KCNIP4: variants seen among roughly 807,000 people sequenced by gnomAD.
KCNIP4 encodes Kv channel-interacting protein 4.
In KCNIP4, 12 loss-of-function variants were observed where a neutral mutation model predicts 34.0. The ratio of observed to expected loss-of-function variants is 0.35; its 90% confidence interval spans 0.23 to 0.57. KCNIP4 has a LOEUF of 0.57. KCNIP4 is among the 20% of genes least tolerant of loss of function. The pLI is 0.83. For missense variants in KCNIP4, 238 were observed against 311.7 expected (o/e 0.76, Z 1.78); for synonymous variants, 124 against 102.2 (o/e 1.21, Z -1.29).
chr4:21,655,275 G>A (rs540444183), intron 1 of KCNIP4, among the ~76,000 whole-genome samples: 6 of 152,114 alleles, frequency 3.9e-5, no homozygotes, highest in African/African-American at 1.4e-4. Flanking sequence ...TGAGGAGATG[G>A]CTACTTAATA....
At chr4:21,891,147 A>C (rs1727068794) in intron 1 of KCNIP4, among the ~76,000 whole-genome samples, 1 of 152,074 alleles carries the variant, frequency 6.6e-6, no homozygotes, top group African/African-American at 2.4e-5. Flanking sequence ...CATTTCTTAG[A>C]TGTTCCTCAT....
chr4:21,506,032 G>A (rs1246282428), intron 1 of KCNIP4, among the ~76,000 whole-genome samples: 1 of 152,188 alleles, frequency 6.6e-6, no homozygotes, highest in Non-Finnish European at 1.5e-5. Flanking sequence ...GAACCTGGGA[G>A]GCAGAGGTTG....
chr4:20,985,224 C>T (rs1392687779), intron 1 of KCNIP4, among the ~76,000 whole-genome samples: 1 of 152,146 alleles, frequency 6.6e-6, no homozygotes, highest in Non-Finnish European at 1.5e-5. Context: ...CACTTAACCA[C>T]TCTAATAACA....
At chr4:21,687,962 C>T (rs1298409637) in intron 1 of KCNIP4, among the ~76,000 whole-genome samples, 2 of 152,256 alleles carry the variant, frequency 1.3e-5, no homozygotes, top group East Asian at 3.9e-4. Context: ...TCAGCCCCAG[C>T]ACACCCTAGG....
At chr4:21,866,170 A>T (rs528260903) in intron 1 of KCNIP4, among the ~76,000 whole-genome samples, 57 of 152,298 alleles carry the variant, frequency 3.7e-4, no homozygotes, top group African/African-American at 1.3e-3. Context: ...AATGTTATAA[A>T]AACATACAGA....
At chr4:20,897,909 C>A (rs1726731266) in intron 1 of KCNIP4, among the ~76,000 whole-genome samples, 1 of 152,100 alleles carries the variant, frequency 6.6e-6, no homozygotes, top group South Asian at 2.1e-4. Context: ...GTCAACTTGA[C>A]TTAGCTAAGG....
chr4:21,420,440 C>T (rs764359590), intron 1 of KCNIP4, among the ~76,000 whole-genome samples: 7 of 152,270 alleles, frequency 4.6e-5, no homozygotes, highest in Non-Finnish European at 8.8e-5. Context: ...CCACAGCAGT[C>T]AGTACGATAC....
At chr4:21,802,155 C>G (rs1004029995) in intron 1 of KCNIP4, among the ~76,000 whole-genome samples, 3 of 152,016 alleles carry the variant, frequency 2.0e-5, no homozygotes, top group African/African-American at 7.2e-5. Context: ...ATCAAAACCA[C>G]AGTATTTGAC....
At chr4:21,626,156 T>C (rs1398474138) in intron 1 of KCNIP4, among the ~76,000 whole-genome samples, 1 of 152,134 alleles carries the variant, frequency 6.6e-6, no homozygotes, top group African/African-American at 2.4e-5. Context: ...TAGCAGGGGC[T>C]TACTTTGAAA....
intron 1 of KCNIP4, among the ~76,000 whole-genome samples, chr4:21,896,794 C>T (rs1014764565): frequency 4.6e-5 from 7 of 151,978 alleles, no homozygotes; most frequent in African/African-American, 1.7e-4. Context: ...TGGCTCACAC[C>T]TGTAATCCTA....
chr4:21,735,426 G>A (rs1715918671), intron 1 of KCNIP4, among the ~76,000 whole-genome samples: 1 of 152,046 alleles, frequency 6.6e-6, no homozygotes, highest in Admixed American at 6.6e-5. Context: ...TGGCATAATA[G>A]TATCTGTACA....
chr4:20,900,380 G>C (rs1423204974), intron 1 of KCNIP4, among the ~76,000 whole-genome samples: 1 of 152,122 alleles, frequency 6.6e-6, no homozygotes, highest in Non-Finnish European at 1.5e-5. Context: ...AGATTACTAA[G>C]GCCACCCCAT....
chr4:21,709,274 T>C (rs1713530384), intron 1 of KCNIP4, among the ~76,000 whole-genome samples: 1 of 152,192 alleles, frequency 6.6e-6, no homozygotes, highest in African/African-American at 2.4e-5. Context: ...CAGTATATAT[T>C]TATTGAGTTT....
intron 1 of KCNIP4, among the ~76,000 whole-genome samples, chr4:21,862,764 G>A (rs1448673570): frequency 6.6e-6 from 1 of 152,134 alleles, no homozygotes; most frequent in Non-Finnish European, 1.5e-5. Flanking sequence ...ACGAGGTCAG[G>A]AGATCGAGAC....
intron 1 of KCNIP4, among the ~76,000 whole-genome samples, chr4:21,077,534 T>C (rs1430856031): frequency 6.6e-6 from 1 of 152,138 alleles, no homozygotes; most frequent in East Asian, 1.9e-4. Context: ...AATATTCACG[T>C]TTCATAATCA....
At position 21,174,633 on chromosome 4, in the gene KCNIP4, C is replaced by G. The variant is rs1754261273; in HGVS notation, c.62-291924G>C. Among the ~76,000 whole-genome samples, 4 of 152,266 alleles carry G rather than the reference C, an allele frequency of 2.6e-5. No homozygotes were observed. The South Asian group carries it at 8.3e-4, about 32-fold the overall frequency. On this transcript the variant is annotated intron_variant, in intron 1 of 8. Transcript: ENST00000382152. ...TGCATTAGTAGGCTGGGCGCAGTGG[C>G]TCATGCCTATAATCTCAGCACTTTG...
At chr4:21,700,407 G>T (rs976156860) in intron 1 of KCNIP4, among the ~76,000 whole-genome samples, 1 of 152,076 alleles carries the variant, frequency 6.6e-6, no homozygotes, top group African/African-American at 2.4e-5. Context: ...GCCTGTTCAG[G>T]TCCTTTGCCC....
chr4:21,436,108 C>T (rs1227527239), intron 1 of KCNIP4, among the ~76,000 whole-genome samples: 1 of 152,146 alleles, frequency 6.6e-6, no homozygotes, highest in African/African-American at 2.4e-5. Flanking sequence ...CACTCTCTGG[C>T]TAAAAGGGGG....
At chr4:20,953,042 C>T (rs1272350504) in intron 1 of KCNIP4, among the ~76,000 whole-genome samples, 1 of 152,226 alleles carries the variant, frequency 6.6e-6, no homozygotes, top group African/African-American at 2.4e-5. Flanking sequence ...GCCCTTACCT[C>T]TTAATACCAT....
Sources: gnomAD v4.1 joint callset for allele counts (sites outside exome capture counted in the v4.1 genomes callset) on GRCh38, gnomAD v4.1.1 for gene constraint, MANE v1.5 for transcripts, NCBI Gene and HGNC (gene_info 2026-07-23, HGNC 2026-07-21) for gene names.